Variants in OTUD7A observed in about 807,000 individuals in gnomAD.
OTUD7A encodes the protein OTU domain-containing protein 7A.
In OTUD7A, 12 loss-of-function variants were observed where a neutral mutation model predicts 65.7. That is an observed-to-expected ratio of 0.18 (90% CI 0.12 to 0.30). The LOEUF is 0.30. Ranked by LOEUF, OTUD7A falls within the 10% of genes least tolerant of loss-of-function variation. The pLI is 1.00. For synonymous variants in OTUD7A, 641 were observed against 586.3 expected (o/e 1.09, Z -1.35); for missense variants, 1,148 against 1,304.8 (o/e 0.88, Z 1.85).
intron 1 of OTUD7A, among the ~76,000 whole-genome samples, chr15:31,690,041 A>G (rs371293428): frequency 2.0e-5 from 3 of 152,328 alleles, no homozygotes; most frequent in Admixed American, 6.5e-5. Context: ...AATAACTTAT[A>G]CATAAAATTT....
At chr15:31,533,294 T>C (rs1345081780) in intron 5 of OTUD7A, among the ~76,000 whole-genome samples, 2 of 150,388 alleles carry the variant, frequency 1.3e-5, no homozygotes, top group African/African-American at 4.9e-5. Flanking sequence ...TGGAGTGCAG[T>C]GGTGCAATTT....
rs200764988 is a variant in OTUD7A at position 31,487,472 on chromosome 15, G to A, written c.1266C>T (p.Asn422=). 201 of 1,614,022 alleles carry A rather than the reference G, an allele frequency of 1.2e-4. 3 individuals are homozygous for A. The South Asian group carries it at 1.5e-3, about 12-fold the overall frequency. Residue 422 remains asparagine, a synonymous_variant, in exon 11 of 13, where the codon AAC becomes AAT. Coordinates refer to ENST00000307050, the MANE Select transcript of OTUD7A (RefSeq NM_001382637.1). This position sits in a 1 kb window ranked among gnomAD's most constrained non-coding sequence, Gnocchi z 6.0. ...CTTACTGGGCCAGCCGGGCGTTATCGTTGTCGTCTTTCCCCCACTCCCAGT... is the reference window on the plus strand; with the variant it reads ...CTTACTGGGCCAGCCGGGCGTTATCATTGTCGTCTTTCCCCCACTCCCAGT... ...GKDWEWGKDD[N]DNARLAHLIL... is the part of the protein sequence containing the mutation.
chr15:31,774,499 A>C (rs1377130515), intron 1 of OTUD7A, among the ~76,000 whole-genome samples: 7 of 152,264 alleles, frequency 4.6e-5, no homozygotes, highest in Non-Finnish European at 1.5e-5. Context: ...TCTGCCTGCC[A>C]TGAAACATTC....
intron 1 of OTUD7A, among the ~76,000 whole-genome samples, chr15:31,672,348 A>G (rs1021506687): frequency 3.3e-5 from 5 of 152,154 alleles, no homozygotes; most frequent in African/African-American, 1.2e-4. Flanking sequence ...TTGTTAGGTC[A>G]TATTTTCCTA....
intron 1 of OTUD7A, among the ~76,000 whole-genome samples, chr15:31,731,994 A>T (rs1224807478): frequency 6.6e-6 from 1 of 152,200 alleles, no homozygotes; most frequent in African/African-American, 2.4e-5. Context: ...TTTGCGGGGA[A>T]CAATGCCAAC....
At chr15:31,602,889 T>C (rs1040151614) in intron 3 of OTUD7A, among the ~76,000 whole-genome samples, 1 of 152,110 alleles carries the variant, frequency 6.6e-6, no homozygotes, top group African/African-American at 2.4e-5. Context: ...TTACAAGGGA[T>C]GTGAAGGACC....
intron 1 of OTUD7A, among the ~76,000 whole-genome samples, chr15:31,754,033 T>G (rs1206763496): frequency 6.6e-6 from 1 of 152,010 alleles, no homozygotes; most frequent in Non-Finnish European, 1.5e-5. Context: ...ATCTACTATT[T>G]TTTGATTTTT....
intron 1 of OTUD7A, among the ~76,000 whole-genome samples, chr15:31,748,545 T>C (rs1380592067): frequency 1.3e-5 from 2 of 152,068 alleles, no homozygotes; most frequent in Non-Finnish European, 2.9e-5. Flanking sequence ...TGGGGTCCTT[T>C]GTGTCATTTT....
In OTUD7A at chr15:31,511,249, TAC is replaced by T. The variant is rs1289719641; in HGVS notation, c.894-7433_894-7432del. ...TATGTATATCTATATGTAACACACA[TAC>T]ATATGTATATCTATATGTAACACAC... On this transcript the variant is annotated intron_variant, in intron 8 of 12. Transcript: ENST00000307050. Among the ~76,000 whole-genome samples the T allele has an allele frequency of 6.2e-4, 2 of 3,242 alleles. 1 individual carries two copies. The highest frequency in any genetic ancestry group is 8.2e-4 in the Non-Finnish European group (2 of 2,440). 2.1% of individuals were successfully genotyped at this position (3,242 alleles called of 152,430 possible). A position where few individuals can be genotyped will look rare whatever the true frequency, so the allele number is the denominator to read the frequency against.
chr15:31,605,350 G>T (rs1890209098), intron 3 of OTUD7A, among the ~76,000 whole-genome samples: 1 of 152,160 alleles, frequency 6.6e-6, no homozygotes, highest in Admixed American at 6.5e-5. Context: ...GGGCCACTCT[G>T]GACACACAGG....
chr15:31,736,080 G>A (rs1168588967), intron 1 of OTUD7A, among the ~76,000 whole-genome samples: 1 of 152,164 alleles, frequency 6.6e-6, no homozygotes, highest in East Asian at 1.9e-4. Context: ...GGTGGGAGGA[G>A]GGAGAGGATC....
At chr15:31,834,231 AGG>A (rs1203245780) in intron 1 of OTUD7A, among the ~76,000 whole-genome samples, 1 of 152,246 alleles carries the variant, frequency 6.6e-6, no homozygotes, top group African/African-American at 2.4e-5. Context: ...CATAGCAACA[AGG>A]TTGGAGTTCA....
chr15:31,740,051 G>C (rs1429010563), intron 1 of OTUD7A, among the ~76,000 whole-genome samples: 5 of 152,214 alleles, frequency 3.3e-5, no homozygotes, highest in Admixed American at 2.6e-4. Flanking sequence ...CTACTACCAC[G>C]GTGAAAAGAC....
chr15:31,500,366 GC>G (rs2041450589), intron 10 of OTUD7A, among the ~76,000 whole-genome samples: 1 of 152,238 alleles, frequency 6.6e-6, no homozygotes, highest in African/African-American at 2.4e-5. Flanking sequence ...TCTTGTCACG[GC>G]CGGCTGTAGC....
intron 1 of OTUD7A, among the ~76,000 whole-genome samples, chr15:31,680,854 G>C (rs1227679896): frequency 6.6e-6 from 1 of 151,694 alleles, no homozygotes; most frequent in African/African-American, 2.4e-5. Flanking sequence ...GGAAAGGCAG[G>C]GCTAGTTTTG....
chr15:31,729,261 T>C (rs1047384635), intron 1 of OTUD7A, among the ~76,000 whole-genome samples: 1 of 152,212 alleles, frequency 6.6e-6, no homozygotes, highest in African/African-American at 2.4e-5. Flanking sequence ...AAGGGGTTAC[T>C]GTATCTGTTT....
chr15:31,782,078 T>C (rs536329725), intron 1 of OTUD7A, among the ~76,000 whole-genome samples: 6 of 152,326 alleles, frequency 3.9e-5, no homozygotes, highest in South Asian at 2.1e-4. Flanking sequence ...AACAGACTGG[T>C]AGGTGCTCTG....
chr15:31,663,019 T>C (rs1233065711), intron 1 of OTUD7A, among the ~76,000 whole-genome samples: 1 of 151,926 alleles, frequency 6.6e-6, no homozygotes, highest in Non-Finnish European at 1.5e-5. Flanking sequence ...GTTTTCCAGA[T>C]ACACAATCAT....
Position 31,701,800 on chromosome 15 carries a change from C to T in OTUD7A, c.-99-44723G>A, listed in dbSNP as rs1376418362. Among the ~76,000 whole-genome samples, 9 of 152,198 alleles carry T rather than the reference C, an allele frequency of 5.9e-5. 1 individual carries two copies. Among genetic ancestry groups the T allele is most frequent in the East Asian group, 1.9e-4 (1 of 5,186 alleles). On this transcript the variant is annotated intron_variant, in intron 1 of 12. Transcript: ENST00000307050. The stretch of plus-strand genomic sequence containing the variant: ...ATGAAAACACTTTCCGACACTTCTA[C>T]GAAGCCACAATTACTCTCATACCAA...
Sources: allele counts gnomAD v4.1 joint callset (sites outside exome capture counted in the v4.1 genomes callset), GRCh38; gene constraint gnomAD v4.1.1; non-coding constraint Gnocchi (gnomAD v3.1); transcripts MANE v1.5; gene names NCBI Gene and HGNC (gene_info 2026-07-23, HGNC 2026-07-21).